Variants in PCDH19 observed in about 807,000 individuals in gnomAD.
PCDH19 encodes the protein protocadherin-19.
Under a neutral mutation model 46.2 loss-of-function variants are expected in PCDH19, and 6 were observed. The ratio of observed to expected loss-of-function variants is 0.13; its 90% CI spans 0.07 to 0.26. The LOEUF is 0.26. Ranked by LOEUF, PCDH19 falls within the 10% of genes least tolerant of loss-of-function variation. PCDH19 has a pLI of 1.00. For synonymous variants in PCDH19, 481 were observed against 415.7 expected (o/e 1.16, Z -1.91); for missense variants, 740 against 972.3 (o/e 0.76, Z 3.18).
chrX:100,333,458 A>G (rs1218441760), intron 5 of PCDH19, among the ~76,000 whole-genome samples: 1 of 111,553 alleles, frequency 9.0e-6, no homozygotes, highest in Admixed American at 9.5e-5. Flanking sequence ...ACATTACACC[A>G]AAGTGTCCTT....
intron 5 of PCDH19, among the ~76,000 whole-genome samples, chrX:100,334,795 G>A (rs1434490723): frequency 9.2e-6 from 1 of 108,281 alleles, no homozygotes; most frequent in Non-Finnish European, 1.9e-5. Flanking sequence ...GTGTGTGCAT[G>A]TGTTTTCCCG....
At chrX:100,337,224 T>A (rs1469211551) in intron 5 of PCDH19, among the ~76,000 whole-genome samples, 1 of 111,510 alleles carries the variant, frequency 9.0e-6, no homozygotes, top group Non-Finnish European at 1.9e-5. Flanking sequence ...GCCAAGTAAT[T>A]CCCTCAGGGA....
intron 3 of PCDH19, among the ~76,000 whole-genome samples, chrX:100,357,016 A>T (rs1314341495): frequency 9.0e-6 from 1 of 111,666 alleles, no homozygotes; most frequent in Non-Finnish European, 1.9e-5. Flanking sequence ...AAACAAAGTG[A>T]TTCTTAATTT....
At chrX:100,375,143 T>C (rs1186388263) in intron 3 of PCDH19, among the ~76,000 whole-genome samples, 1 of 111,662 alleles carries the variant, frequency 9.0e-6, no homozygotes, top group Non-Finnish European at 1.9e-5. Flanking sequence ...TATTATACTT[T>C]AAGTTCTAGG....
intron 3 of PCDH19, among the ~76,000 whole-genome samples, chrX:100,358,416 G>A (rs768500986): frequency 9.8e-5 from 11 of 112,073 alleles, no homozygotes; most frequent in South Asian, 3.7e-4. Flanking sequence ...GCCTCTCATC[G>A]TCATTCCTAT....
intron 5 of PCDH19, among the ~76,000 whole-genome samples, chrX:100,321,380 C>T (rs767177447): frequency 3.1e-4 from 35 of 112,113 alleles, no homozygotes; most frequent in Non-Finnish European, 6.0e-4. Context: ...GTTTACATTT[C>T]CACCAGCAGT....
intron 2 of PCDH19, among the ~76,000 whole-genome samples, chrX:100,403,073 C>G (rs951023896): frequency 9.0e-6 from 1 of 111,090 alleles, no homozygotes; most frequent in African/African-American, 3.3e-5. Flanking sequence ...CCAACCCCCC[C>G]TAAAAAAGTT....
Position 100,409,700 on chromosome X carries a change from G to A in PCDH19, c.-1103C>T. On this transcript the variant is annotated 5_prime_UTR_variant, in exon 1 of 6. Coordinates refer to ENST00000373034, the MANE Select transcript of PCDH19 (RefSeq NM_001184880.2). ...TTCTCTCCGTTTGGGCTGGGGTGTC[G>A]CTCCAAGGTCCGCCGCCGCCGCCGC... The A allele has an allele frequency of 1.2e-5, 3 of 244,840 alleles. No individual in the cohort carries two copies. Among genetic ancestry groups the A allele is most frequent in the Admixed American group, 6.3e-5 (1 of 15,875 alleles). The allele number at this position is 244,840 out of a possible 1,213,427, so 20.2% of individuals were successfully genotyped here.
rs763059359 is a variant in PCDH19, at chrX:100,407,434, C to A, written c.1164G>T (p.Leu388Phe). 50 of 1,212,148 alleles carry A rather than the reference C, an allele frequency of 4.1e-5. No homozygotes were observed. The highest frequency in any genetic ancestry group is 5.5e-5 in the Non-Finnish European group (49 of 895,645). ...SGLNGRVQCR[L>F]LGNVPFRLQE... ...GCAGTCGAAAGGGCACATTGCCCAG[C>A]AAACGGCACTGCACACGTCCATTGA... Residue 388 changes from leucine (L) to phenylalanine (F), a missense_variant, in exon 1 of 6, where the codon TTG (leucine) becomes TTT (phenylalanine). Leu to Phe is a conservative substitution (Grantham distance 22). Coordinates refer to ENST00000373034, the MANE Select transcript of PCDH19 (RefSeq NM_001184880.2).
intron 5 of PCDH19, among the ~76,000 whole-genome samples, chrX:100,330,268 T>A (rs5967117): frequency 0.019 from 2,090 of 112,064 alleles, 51 homozygotes; most frequent in African/African-American, 0.065. Context: ...CTCTTTTCCA[T>A]GTATTAAAAG....
At chrX:100,360,057 G>A (rs1926836610) in intron 3 of PCDH19, among the ~76,000 whole-genome samples, 1 of 111,895 alleles carries the variant, frequency 8.9e-6, no homozygotes, top group African/African-American at 3.3e-5. Flanking sequence ...AATTTCTATT[G>A]AGTAAGCTTT....
chrX:100,392,035 C>T (rs1927878683), intron 3 of PCDH19, among the ~76,000 whole-genome samples: 1 of 111,895 alleles, frequency 8.9e-6, no homozygotes, highest in African/African-American at 3.3e-5. Context: ...CAAACCTTTA[C>T]AGGTACGGAT....
intron 3 of PCDH19, among the ~76,000 whole-genome samples, chrX:100,371,712 C>A (rs1423645122): frequency 9.0e-6 from 1 of 110,811 alleles, no homozygotes; most frequent in East Asian, 2.8e-4. Context: ...TCTTCCCCTG[C>A]TAGAATGTTA....
At chrX:100,343,760 A>G (rs1290191443) in intron 4 of PCDH19, among the ~76,000 whole-genome samples, 2 of 111,903 alleles carry the variant, frequency 1.8e-5, no homozygotes, top group Non-Finnish European at 3.8e-5. Flanking sequence ...TGTTGCCTCA[A>G]CAAGGAAGAA....
intron 5 of PCDH19, among the ~76,000 whole-genome samples, chrX:100,326,833 AC>A (rs1470002349): frequency 9.0e-6 from 1 of 111,386 alleles, no homozygotes; most frequent in Admixed American, 9.5e-5. Flanking sequence ...TTCTTTGGAC[AC>A]CAATAGCTCT....
At chrX:100,355,252 A>G (rs1038625349) in intron 3 of PCDH19, among the ~76,000 whole-genome samples, 2 of 111,590 alleles carry the variant, frequency 1.8e-5, no homozygotes, top group Non-Finnish European at 3.8e-5. Context: ...ACATATCACA[A>G]AGTTGCCCTC....
intron 3 of PCDH19, among the ~76,000 whole-genome samples, chrX:100,372,122 A>G (rs1927247373): frequency 1.8e-5 from 2 of 111,514 alleles, no homozygotes; most frequent in African/African-American, 6.5e-5. Context: ...CTGTAATCCC[A>G]GCTGCTTGAG....
intron 3 of PCDH19, among the ~76,000 whole-genome samples, chrX:100,393,638 G>C (rs745451266): frequency 4.6e-4 from 51 of 111,224 alleles, no homozygotes; most frequent in African/African-American, 1.6e-3. Flanking sequence ...CACAATCTGA[G>C]AAGAGGTGCC....
At chrX:100,376,192 G>A (rs893661859) in intron 3 of PCDH19, among the ~76,000 whole-genome samples, 1 of 97,273 alleles carries the variant, frequency 1.0e-5, no homozygotes, top group Non-Finnish European at 2.0e-5. Context: ...CCGAGATCAC[G>A]CCATTGCACT....
Sources: gnomAD v4.1 joint callset for allele counts (sites outside exome capture counted in the v4.1 genomes callset) on GRCh38, gnomAD v4.1.1 for gene constraint, MANE v1.5 for transcripts, NCBI Gene and HGNC (gene_info 2026-07-23, HGNC 2026-07-21) for gene names.